The following PON1 variants were observed in gnomAD, a reference collection of about 807,000 sequenced individuals.
PON1 encodes the protein paraoxonase 1, also known as serum paraoxonase/arylesterase 1.
PON1 carries 37 observed loss-of-function variants against 39.2 expected under a neutral mutation model. That is an observed-to-expected ratio of 0.94 (90% CI 0.73 to 1.24). The LOEUF is 1.24. Among genes scored for constraint, PON1 ranks in the 50% most tolerant of loss-of-function variants. The pLI is 0.00. For synonymous variants in PON1, 148 were observed against 152.2 expected (o/e 0.97, Z 0.21); for missense variants, 397 against 413.5 (o/e 0.96, Z 0.35).
chr7:95,307,485 A>G (rs1303435843), intron 6 of PON1, among the ~76,000 whole-genome samples: 1 of 152,252 alleles, frequency 6.6e-6, no homozygotes, highest in Non-Finnish European at 1.5e-5. Context: ...TGCAGTCTCC[A>G]GACCAATGTT....
rs542565549 is a variant in PON1, at chr7:95,318,193, A to G, written c.145+130T>C. ...AAAGTCAAACAACATGGTATTTATC[A>G]TTAACTACCACTGACTCTCCTGATT... On this transcript the variant is annotated intron_variant, in intron 2 of 8. Coordinates refer to ENST00000222381, the MANE Select transcript of PON1 (RefSeq NM_000446.7). 2.2e-5 allele frequency: 16 copies of G among 741,942 alleles called. No homozygotes were observed. The South Asian group carries it at 2.4e-4, about 11-fold the overall frequency. 46.0% of individuals were successfully genotyped at this position (741,942 alleles called of 1,614,324 possible). A position where few individuals can be genotyped will look rare whatever the true frequency, so the allele number is the denominator to read the frequency against.
At chr7:95,305,706 A>T (rs1330670349) in intron 7 of PON1, among the ~76,000 whole-genome samples, 3 of 152,084 alleles carry the variant, frequency 2.0e-5, no homozygotes, top group African/African-American at 7.2e-5. Flanking sequence ...ATCTGGAGGA[A>T]GGTTTCTCCT....
Position 95,315,330 on chromosome 7 carries a change from G to A in PON1, c.362C>T (p.Thr121Ile), listed in dbSNP as rs147867887. ...SFNPHGISTF[T>I]DEDNAMYLLV... The stretch of plus-strand genomic sequence containing the variant: ...ATAGTAAATATTGTTACCTTCATCT[G>A]TGAATGTGCTAATCCCATGAGGGTT... The change falls in exon 4 of 9, where the codon ACA becomes ATA. Residue 121 changes from threonine to isoleucine, a missense_variant. Transcript: ENST00000222381. 27 of 1,612,460 alleles carry A rather than the reference G, an allele frequency of 1.7e-5. No individual in the cohort carries two copies. Among genetic ancestry groups the A allele is most frequent in the African/African-American group, 8.0e-5 (6 of 74,874 alleles).
In PON1 at chr7:95,298,679, G is replaced by GACAT; in HGVS notation, c.*261_*264dup. 1 of 527,020 alleles carries GACAT rather than the reference G, an allele frequency of 1.9e-6. No homozygotes were observed. The highest frequency in any genetic ancestry group is 3.5e-5 in the East Asian group (1 of 28,766). 32.6% of individuals were successfully genotyped at this position (527,020 alleles called of 1,614,324 possible). The stretch of plus-strand genomic sequence containing the variant: ...CACTGTTATTTAATATCTGACAATT[G>GACAT]ACATAACTGATTTATCCATTTTAGT... On this transcript the variant is annotated 3_prime_UTR_variant, in exon 9 of 9. Coordinates refer to ENST00000222381, the MANE Select transcript of PON1 (RefSeq NM_000446.7).
At chr7:95,318,676 A>C in intron 1 of PON1, 8 of 371,766 alleles carry the variant, frequency 2.2e-5, no homozygotes, top group Non-Finnish European at 3.6e-5. Context: ...GAGCAATTTC[A>C]TCAGTGTGTA....
intron 7 of PON1, among the ~76,000 whole-genome samples, chr7:95,303,198 C>T (rs1448457093): frequency 6.6e-6 from 1 of 152,204 alleles, no homozygotes; most frequent in Non-Finnish European, 1.5e-5. Flanking sequence ...AGAAAACCAA[C>T]GTTTCCCTGT....
At chr7:95,321,832 T>C (rs1807905982) in intron 1 of PON1, among the ~76,000 whole-genome samples, 1 of 152,250 alleles carries the variant, frequency 6.6e-6, no homozygotes, top group African/African-American at 2.4e-5. Context: ...TTGGGATTAA[T>C]AACTCCTTAG....
chr7:95,321,293 C>T (rs1013263306), intron 1 of PON1, among the ~76,000 whole-genome samples: 8 of 152,114 alleles, frequency 5.3e-5, no homozygotes, highest in Admixed American at 2.6e-4. Context: ...TTGGAGAGGA[C>T]GAACATCCAA....
intron 5 of PON1, among the ~76,000 whole-genome samples, chr7:95,310,662 C>T (rs915044311): frequency 4.6e-5 from 7 of 152,152 alleles, no homozygotes; most frequent in African/African-American, 1.4e-4. Flanking sequence ...CACTACATAC[C>T]AGGCCCTTAG....
chr7:95,306,500 C>T (rs1288313542), intron 6 of PON1, 134 bp from the exon 7 acceptor site: 1 of 714,914 alleles, frequency 1.4e-6, no homozygotes, highest in Non-Finnish European at 2.5e-6. Context: ...TCAAACACAC[C>T]AAATTCTGAA....
chr7:95,301,680 C>T (rs1170577415), intron 8 of PON1, among the ~76,000 whole-genome samples: 1 of 152,062 alleles, frequency 6.6e-6, no homozygotes, highest in Non-Finnish European at 1.5e-5. Context: ...TCAAATTATC[C>T]AATTTAAGTG....
intron 5 of PON1, 148 bp downstream of exon 5, chr7:95,311,303 G>T (rs1448721314): frequency 1.4e-5 from 13 of 954,148 alleles, no homozygotes; most frequent in Middle Eastern, 3.3e-4. Flanking sequence ...TCCTCAGAAG[G>T]TTCTTCAGAA....
intron 7 of PON1, 35 bp downstream of exon 7, chr7:95,306,250 T>C: frequency 6.8e-7 from 1 of 1,461,548 alleles, no homozygotes; most frequent in Non-Finnish European, 9.6e-7. Context: ...AATCTAATTA[T>C]CACTCTGCAG....
At chr7:95,318,232 T>C (rs1159353464) in intron 2 of PON1, 91 bp downstream of exon 2, 10 of 1,084,322 alleles carry the variant, frequency 9.2e-6, no homozygotes, top group Non-Finnish European at 1.4e-5. Context: ...AATTTTATTT[T>C]TGGACAGAAT....
At position 95,324,436 on chromosome 7, in the gene PON1, G is replaced by T; in HGVS notation, c.40C>A (p.Leu14Met). 6.2e-7 allele frequency: 1 copy of T among 1,614,192 alleles called. No homozygotes were observed. The highest frequency in any genetic ancestry group is 8.5e-7 in the Non-Finnish European group (1 of 1,180,032). ...GACTGGTGGTTCCTGAAGAGTGCCA[G>T]TCCCATCCCCAAGAGGGTGAGCGCA... ...LIALTLLGMG[L>M]ALFRNHQSSY... The change falls in exon 1 of 9, where the codon CTG (leucine) becomes ATG (methionine). Residue 14 changes from leucine to methionine, a missense_variant. Transcript: ENST00000222381.
intron 3 of PON1, among the ~76,000 whole-genome samples, chr7:95,316,207 T>C (rs991016751): frequency 6.6e-6 from 1 of 152,214 alleles, no homozygotes; most frequent in African/African-American, 2.4e-5. Flanking sequence ...TGTTTTGCAC[T>C]ATATCAGCTA....
rs77399317 is a variant in PON1, at chr7:95,300,563, T to C, written c.910-1461A>G. On this transcript the variant is annotated intron_variant, in intron 8 of 8. Transcript: ENST00000222381. The stretch of plus-strand genomic sequence containing the variant: ...GTAGTAGTTACAGGGAAATAGTTGA[T>C]GGTACACCTTGGCTTAGCTAAGCTT... Among the ~76,000 whole-genome samples the C allele has an allele frequency of 5.5e-3, 843 of 152,244 alleles. 12 individuals carry two copies. The highest frequency in any genetic ancestry group is 0.019 in the African/African-American group (803 of 41,560).
chr7:95,302,142 T>C, intron 8 of PON1, 63 bp downstream of exon 8: 1 of 1,244,792 alleles, frequency 8.0e-7, no homozygotes, highest in Non-Finnish European at 1.1e-6. Flanking sequence ...AGAATTATGT[T>C]GTCAACTGAA....
chr7:95,314,431 G>A (rs984372122), intron 4 of PON1, among the ~76,000 whole-genome samples: 2 of 151,844 alleles, frequency 1.3e-5, no homozygotes, highest in African/African-American at 4.8e-5. Context: ...AGGAGAGGGA[G>A]GAAGGGAAGA....
Sources: gnomAD v4.1 joint callset for allele counts (sites outside exome capture counted in the v4.1 genomes callset) on GRCh38, gnomAD v4.1.1 for gene constraint, MANE v1.5 for transcripts, NCBI Gene and HGNC (gene_info 2026-07-23, HGNC 2026-07-21) for gene names.